ERCC6: variants seen among roughly 807,000 people sequenced by gnomAD.
The protein encoded by ERCC6 is ERCC excision repair 6, chromatin remodeling factor.
ERCC6 carries 116 observed loss-of-function variants against 158.7 expected under a neutral mutation model. The ratio of observed to expected loss-of-function variants is 0.73; its 90% CI spans 0.63 to 0.85. The LOEUF (loss-of-function observed/expected upper bound fraction) is 0.85. Among genes scored for constraint, ERCC6 ranks in the 40% least tolerant of loss-of-function variants. The probability of loss-of-function intolerance (pLI) is 0.00; values close to 1 mark genes in which losing one functional copy is unlikely to be tolerated. For missense variants in ERCC6, 1,698 were observed against 1,799.4 expected (o/e 0.94, Z 1.02); for synonymous variants, 678 against 659.3 (o/e 1.03, Z -0.43).
At chr10:49,534,615 A>AG (rs1388726538) in intron 1 of ERCC6, among the ~76,000 whole-genome samples, 1 of 152,194 alleles carries the variant, frequency 6.6e-6, no homozygotes, top group African/African-American at 2.4e-5. Context: ...GGGAAAAATA[A>AG]GGGGGAATGT....
In ERCC6 at chr10:49,510,457, T is replaced by C. The variant is rs183172300; in HGVS notation, c.1398-4445A>G. Among the ~76,000 whole-genome samples the C allele has an allele frequency of 3.1e-3, 478 of 152,194 alleles. 3 individuals are homozygous for C. Among genetic ancestry groups the C allele is most frequent in the Non-Finnish European group, 3.3e-3 (223 of 67,992 alleles). The stretch of plus-strand genomic sequence containing the variant: ...AGCAGACCTTTCAAACCCTCACTCA[T>C]GCAGCACCACCATGCACAGAAACCT... On this transcript the variant is annotated intron_variant, in intron 5 of 20. Transcript: ENST00000355832.
intron 9 of ERCC6, among the ~76,000 whole-genome samples, 178 bp downstream of exon 9, chr10:49,483,168 G>T (rs1208964798): frequency 6.6e-6 from 1 of 152,170 alleles, no homozygotes; most frequent in Non-Finnish European, 1.5e-5. Flanking sequence ...CAGAATTAAA[G>T]ACATGATTAA....
Position 49,483,341 on chromosome 10 carries a change from C to G in ERCC6, c.1992+5G>C. 1 of 1,614,000 alleles carries G rather than the reference C, an allele frequency of 6.2e-7. No individual in the cohort carries two copies. Among genetic ancestry groups the G allele is most frequent in the Non-Finnish European group, 8.5e-7 (1 of 1,179,876 alleles). On this transcript the variant is annotated splice_donor_5th_base_variant and intron_variant, in intron 9 of 20. Coordinates refer to ENST00000355832, the MANE Select transcript of ERCC6 (RefSeq NM_000124.4). ...GGAAATCTCCCTTGTTAAAAGAGGT[C>G]ATACCTGTTTGCAAGCAAGGGTGAC... is the stretch of plus-strand genomic sequence containing the variant.
At chr10:49,443,738 C>T in the ERCC6 span, among the ~76,000 whole-genome samples, 31 of 152,270 alleles carry the variant, frequency 2.0e-4, no homozygotes, top group Middle Eastern at 3.4e-3. Context: ...TACACAAATA[C>T]CATTATGTTA....
At chr10:49,499,320 A>C (rs1851317460) in intron 7 of ERCC6, among the ~76,000 whole-genome samples, 1 of 152,242 alleles carries the variant, frequency 6.6e-6, no homozygotes, top group South Asian at 2.1e-4. Flanking sequence ...CACTCCTCAC[A>C]GAAGTATTGA....
At chr10:49,500,009 G>C (rs1358912882) in intron 7 of ERCC6, among the ~76,000 whole-genome samples, 4 of 152,164 alleles carry the variant, frequency 2.6e-5, no homozygotes, top group African/African-American at 9.7e-5. Flanking sequence ...AAGCTATCTA[G>C]AAATGCTATC....
At chr10:49,473,360 C>A in intron 14 of ERCC6, 117 bp downstream of exon 14, 1 of 825,834 alleles carries the variant, frequency 1.2e-6, no homozygotes. Flanking sequence ...CCCCTTAGGC[C>A]CCCTCCCAAG....
rs1434247901 is a variant in ERCC6, at chr10:49,528,505, G to T, written c.564C>A (p.Ile188=). 1 of 1,613,990 alleles carries T rather than the reference G, an allele frequency of 6.2e-7. No homozygotes were observed. Among genetic ancestry groups the T allele is most frequent in the South Asian group, 1.1e-5 (1 of 91,080 alleles). ...KYNKEQQLKK[I]TAKQKHLQAI... ...CCTGGAGATGCTTTTGTTTTGCAGT[G>T]ATCTTTTTTAGCTGTTGTTCCTTGA... The change falls in exon 4 of 21, where the codon ATC becomes ATA. Residue 188 remains isoleucine, a synonymous_variant. Coordinates refer to ENST00000355832, the MANE Select transcript of ERCC6 (RefSeq NM_000124.4).
chr10:49,482,697 G>A lies in ERCC6; in HGVS notation c.2159C>T (p.Ser720Phe), dbSNP rs1444560191. The A allele has an allele frequency of 1.2e-6, 2 of 1,613,676 alleles. No individual in the cohort carries two copies. The highest frequency in any genetic ancestry group is 1.3e-5 in the African/African-American group (1 of 74,826). ...PITMGGYSNA[S>F]PVQVKTAYKC... ...ATCCTAATATTTTACCTGTACTGGGGAAGCATTTGAATATCCCCCCATGGT... is the reference window on the plus strand; with the variant it reads ...ATCCTAATATTTTACCTGTACTGGGAAAGCATTTGAATATCCCCCCATGGT... Residue 720 changes from serine to phenylalanine, a missense_variant, in exon 10 of 21, where the codon TCC becomes TTC. Ser to Phe is a radical substitution (Grantham distance 155). Coordinates refer to ENST00000355832, the MANE Select transcript of ERCC6 (RefSeq NM_000124.4).
intron 2 of ERCC6, among the ~76,000 whole-genome samples, chr10:49,531,864 C>T (rs1032180694): frequency 6.6e-6 from 1 of 152,154 alleles, no homozygotes; most frequent in African/African-American, 2.4e-5. Context: ...CAGAACACTG[C>T]CCAACGGGGG....
At chr10:49,442,137 T>A in the ERCC6 span, among the ~76,000 whole-genome samples, 1 of 152,202 alleles carries the variant, frequency 6.6e-6, no homozygotes, top group Non-Finnish European at 1.5e-5. Context: ...CCAACATTGC[T>A]TTTCCTCAGG....
chr10:49,516,658 C>T, intron 5 of ERCC6: 5 of 1,614,144 alleles, frequency 3.1e-6, no homozygotes, highest in South Asian at 1.1e-5. Context: ...TCAATGACCT[C>T]GTCATCAAGA....
chr10:49,470,995 T>A lies in ERCC6; in HGVS notation c.3050A>T (p.Glu1017Val). 6.2e-7 allele frequency: 1 copy of A among 1,614,086 alleles called. No individual in the cohort carries two copies. Among genetic ancestry groups the A allele is most frequent in the Non-Finnish European group, 8.5e-7 (1 of 1,180,006 alleles). The change falls in exon 17 of 21, where the codon GAA becomes GTA. Residue 1017 changes from glutamate (E) to valine (V), a missense_variant. Physicochemically the swap from Glu to Val is moderately radical, Grantham distance 121. Coordinates refer to ENST00000355832, the MANE Select transcript of ERCC6 (RefSeq NM_000124.4). ...LTSPDASQST[E>V]TSAIFAGTGS... ...AATACCTGCAAAAATTGCACTTGTT[T>A]CAGTGCTCTGGGATGCATCAGGACT...
intron 18 of ERCC6, among the ~76,000 whole-genome samples, chr10:49,467,590 G>T (rs945754518): frequency 3.3e-5 from 5 of 151,678 alleles, no homozygotes; most frequent in Non-Finnish European, 7.4e-5. Context: ...TTTTGACATG[G>T]GGTCTCGCTC....
intron 1 of ERCC6, among the ~76,000 whole-genome samples, chr10:49,534,887 T>G (rs1837561523): frequency 6.6e-6 from 1 of 152,082 alleles, no homozygotes; most frequent in Admixed American, 6.5e-5. Context: ...ATACAAAGAA[T>G]TCAGCATCAT....
intron 6 of ERCC6, chr10:49,501,364 C>A (rs1407826479): frequency 6.6e-6 from 1 of 152,078 alleles, no homozygotes; most frequent in Non-Finnish European, 1.5e-5. Context: ...TATTTCAAAG[C>A]AGAAATTGAT....
the ERCC6 span, among the ~76,000 whole-genome samples, chr10:49,441,661 TGG>T: frequency 6.6e-6 from 1 of 152,138 alleles, no homozygotes; most frequent in Non-Finnish European, 1.5e-5. Flanking sequence ...TTCCTGTCTG[TGG>T]GTGGCAGCGG....
chr10:49,526,117 T>TTATATATATATATATATATATATATA (rs55801003), intron 4 of ERCC6, among the ~76,000 whole-genome samples: 1 of 43,610 alleles, frequency 2.3e-5, no homozygotes, highest in African/African-American at 8.6e-5. Context: ...TTATATATTT[T>TTATATATATATATATATATATATATA]TATATATATA....
chr10:49,467,764 T>A (rs1850703768), intron 18 of ERCC6, among the ~76,000 whole-genome samples: 1 of 151,860 alleles, frequency 6.6e-6, no homozygotes, highest in Non-Finnish European at 1.5e-5. Flanking sequence ...AGATAGGATC[T>A]CACTATGTTG....
Sources: allele counts gnomAD v4.1 joint callset (sites outside exome capture counted in the v4.1 genomes callset), GRCh38; gene constraint gnomAD v4.1.1; transcripts MANE v1.5; gene names NCBI Gene and HGNC (gene_info 2026-07-23, HGNC 2026-07-21).